The following SP3 variants were observed in gnomAD, a reference collection of about 807,000 sequenced individuals.
SP3 encodes the protein Sp3 transcription factor.
SP3 carries 10 observed loss-of-function variants against 70.3 expected under a neutral mutation model. The observed-to-expected ratio is 0.14, with a 90% CI of 0.09 to 0.24. The LOEUF (loss-of-function observed/expected upper bound fraction) is 0.24, where lower values mean the gene tolerates loss of function less well. Among genes scored for constraint, SP3 ranks in the 10% least tolerant of loss-of-function variants. SP3 has a pLI of 1.00. For missense variants in SP3, 825 were observed against 914.6 expected, an observed-to-expected ratio of 0.90 and a Z score of 1.26; for synonymous variants, 402 against 333.5, an observed-to-expected ratio of 1.21 and a Z score of -2.24.
chr2:173,965,682 G>C (rs1003183847), upstream of SP3: 15 of 158,662 alleles, frequency 9.5e-5, no homozygotes, highest in African/African-American at 2.4e-5. Context: ...GGGGAGCTGA[G>C]CTGGGGAGGA....
rs1464624302 is a variant in SP3 at position 173,963,954 on chromosome 2, C to T, written c.157-71G>A. The T allele has an allele frequency of 3.5e-6, 4 of 1,141,786 alleles. No individual in the cohort carries two copies. In the African/African-American group the frequency reaches 6.6e-5, roughly 19 times the overall value. The allele number at this position is 1,141,786 out of a possible 1,614,324, so 70.7% of individuals were successfully genotyped here. On this transcript the variant is annotated intron_variant, in intron 2 of 6. Coordinates refer to ENST00000310015, the MANE Select transcript of SP3 (RefSeq NM_003111.5). The stretch of plus-strand genomic sequence containing the variant: ...TGGCGGTTAGGGTCGGGCCGCCTTT[C>T]GCACAGGAAGTACGACTCGGTCCCC...
At chr2:173,962,973 T>C (rs1691133886) in intron 3 of SP3, 1 of 152,236 alleles carries the variant, frequency 6.6e-6, no homozygotes, top group Non-Finnish European at 1.5e-5. Context: ...ATATCTTACC[T>C]GACTAGCAGT....
chr2:173,965,360 G>T lies in SP3; in HGVS notation c.-189C>A. 1.6e-6 allele frequency: 1 copy of T among 644,698 alleles called. No homozygotes were observed. Among genetic ancestry groups the T allele is most frequent in the Non-Finnish European group, 2.7e-6 (1 of 376,882 alleles). 39.9% of individuals were successfully genotyped at this position (644,698 alleles called of 1,614,324 possible). A position where few individuals can be genotyped will look rare whatever the true frequency, so the allele number is the denominator to read the frequency against. ...AGGTGGAGCCTCCAGCCCAAAAGGG[G>T]GGAAGAGGGTGACAGCCCGCCCGGA... On this transcript the variant is annotated 5_prime_UTR_variant, in exon 1 of 7. Transcript: ENST00000310015.
At chr2:173,951,710 A>C (rs1690716101) in intron 4 of SP3, among the ~76,000 whole-genome samples, 1 of 152,180 alleles carries the variant, frequency 6.6e-6, no homozygotes, top group Non-Finnish European at 1.5e-5. Context: ...CACCAAACTT[A>C]ACAGGTGGCA....
chr2:173,961,806 A>G (rs1043203383), intron 3 of SP3, among the ~76,000 whole-genome samples: 2 of 152,160 alleles, frequency 1.3e-5, no homozygotes, highest in African/African-American at 4.8e-5. Context: ...TCATATTTGC[A>G]CTGGAAAAAT....
rs995285940 is a variant in SP3, at chr2:173,902,189, T to C, written c.*7752A>G. Among the ~76,000 whole-genome samples, 1 of 152,240 alleles carries C rather than the reference T, an allele frequency of 6.6e-6. No homozygotes were observed. Among genetic ancestry groups the C allele is most frequent in the Non-Finnish European group, 1.5e-5 (1 of 68,040 alleles). On this transcript the variant is annotated 3_prime_UTR_variant, in exon 7 of 7. Coordinates refer to ENST00000310015, the MANE Select transcript of SP3 (RefSeq NM_003111.5). ...CTACTGGTACCAATTTTTAAATATA[T>C]CCATTGCTTAGTTTTTCAGGTCCCT...
rs758954222 is a variant in SP3 at position 173,904,332 on chromosome 2, G to A, written c.*5609C>T. Among the ~76,000 whole-genome samples the A allele has an allele frequency of 2.0e-4, 31 of 152,304 alleles. No individual in the cohort carries two copies. Among genetic ancestry groups the A allele is most frequent in the Non-Finnish European group, 4.3e-4 (29 of 68,032 alleles). On this transcript the variant is annotated 3_prime_UTR_variant, in exon 7 of 7. Transcript: ENST00000310015. ...ATAGGATCAAGTCATCAACTCTATG[G>A]TGTTTTACGAGAGAATATACTGTAC...
At chr2:173,938,146 G>C (rs1319282641) in intron 4 of SP3, among the ~76,000 whole-genome samples, 1 of 152,098 alleles carries the variant, frequency 6.6e-6, no homozygotes, top group East Asian at 1.9e-4. Flanking sequence ...CACAATTACA[G>C]AATTGGTAGA....
intron 4 of SP3, among the ~76,000 whole-genome samples, chr2:173,925,644 A>G (rs1689891988): frequency 6.6e-6 from 1 of 152,146 alleles, no homozygotes; most frequent in South Asian, 2.1e-4. Flanking sequence ...TATTTTAGGA[A>G]CCTAATGGAT....
At chr2:173,933,893 T>C (rs986641071) in intron 4 of SP3, among the ~76,000 whole-genome samples, 1 of 151,852 alleles carries the variant, frequency 6.6e-6, no homozygotes, top group African/African-American at 2.4e-5. Flanking sequence ...GGAACATCAT[T>C]TGCCCTTCAA....
At position 173,902,653 on chromosome 2, in the gene SP3, G is replaced by C. The variant is rs1427723099; in HGVS notation, c.*7288C>G. 1.3e-5 allele frequency among the ~76,000 whole-genome samples: 2 copies of C among 152,234 alleles called. No homozygotes were observed. Among genetic ancestry groups the C allele is most frequent in the Admixed American group, 6.5e-5 (1 of 15,284 alleles). ...CATTTAAATGAATGATTTAGAGAAA[G>C]ATGGTAGTGTGGATACATCTCAAAA... On this transcript the variant is annotated 3_prime_UTR_variant, in exon 7 of 7. Coordinates refer to ENST00000310015, the MANE Select transcript of SP3 (RefSeq NM_003111.5).
chr2:173,906,514 G>C lies in SP3; in HGVS notation c.*3427C>G, dbSNP rs1689326681. The C allele has an allele frequency of 1.3e-5, 2 of 152,152 alleles. No individual in the cohort carries two copies. Among genetic ancestry groups the C allele is most frequent in the South Asian group, 4.1e-4 (2 of 4,830 alleles). 9.4% of individuals were successfully genotyped at this position (152,152 alleles called of 1,614,324 possible). On this transcript the variant is annotated 3_prime_UTR_variant, in exon 7 of 7. Coordinates refer to ENST00000310015, the MANE Select transcript of SP3 (RefSeq NM_003111.5). ...TAATTCTTTTACAACAAAAACGATTGTTACCAGCTTCATATAATTAAAACT... is the reference window on the plus strand; with the variant it reads ...TAATTCTTTTACAACAAAAACGATTCTTACCAGCTTCATATAATTAAAACT...
At chr2:173,937,986 C>T (rs1413499300) in intron 4 of SP3, among the ~76,000 whole-genome samples, 8 of 152,206 alleles carry the variant, frequency 5.3e-5, no homozygotes, top group Non-Finnish European at 1.2e-4. Context: ...TAGGGCAAGT[C>T]ATTTAATTCT....
intron 4 of SP3, among the ~76,000 whole-genome samples, chr2:173,935,655 GT>G (rs1690188101): frequency 6.6e-6 from 1 of 152,122 alleles, no homozygotes; most frequent in East Asian, 1.9e-4. Flanking sequence ...CCCCTGCTCA[GT>G]TTTATCAACT....
chr2:173,965,497 C>T (rs548396590), upstream of SP3: 7 of 319,362 alleles, frequency 2.2e-5, no homozygotes, highest in Admixed American at 2.6e-4. Flanking sequence ...CCTGTTTGCC[C>T]CCGGGTGGAA....
chr2:173,924,008 C>A (rs1689838033), intron 4 of SP3, among the ~76,000 whole-genome samples: 2 of 151,872 alleles, frequency 1.3e-5, no homozygotes, highest in Non-Finnish European at 2.9e-5. Context: ...AAAAATATAA[C>A]TTCACTAATG....
At chr2:173,928,459 C>CCAA (rs779259606) in intron 4 of SP3, among the ~76,000 whole-genome samples, 1 of 151,218 alleles carries the variant, frequency 6.6e-6, no homozygotes, top group Non-Finnish European at 1.5e-5. Context: ...AAACAACCAA[C>CCAA]CAACAACAAC....
At chr2:173,934,105 T>C (rs1222978850) in intron 4 of SP3, among the ~76,000 whole-genome samples, 1 of 151,858 alleles carries the variant, frequency 6.6e-6, no homozygotes, top group African/African-American at 2.4e-5. Context: ...CAAGGCACAG[T>C]GCGGGGCACC....
At position 173,909,101 on chromosome 2, in the gene SP3, A is replaced by C. The variant is rs1689406075; in HGVS notation, c.*840T>G. The stretch of plus-strand genomic sequence containing the variant: ...GTTTTTGGAAACAAGATTGGATAAA[A>C]ATCACTGCTAAGACGCAATACACCT... On this transcript the variant is annotated 3_prime_UTR_variant, in exon 7 of 7. Coordinates refer to ENST00000310015, the MANE Select transcript of SP3 (RefSeq NM_003111.5). 6.6e-6 allele frequency: 1 copy of C among 152,570 alleles called. No individual in the cohort carries two copies. The highest frequency in any genetic ancestry group is 1.5e-5 in the Non-Finnish European group (1 of 67,982). 9.5% of individuals were successfully genotyped at this position (152,570 alleles called of 1,614,324 possible). A position where few individuals can be genotyped will look rare whatever the true frequency, so the allele number is the denominator to read the frequency against.
Sources: allele counts gnomAD v4.1 joint callset (sites outside exome capture counted in the v4.1 genomes callset), GRCh38; gene constraint gnomAD v4.1.1; transcripts MANE v1.5; gene names NCBI Gene and HGNC (gene_info 2026-07-23, HGNC 2026-07-21).